The following EFL1 variants were observed in gnomAD, a reference collection of about 807,000 sequenced individuals.
The protein encoded by EFL1 is elongation factor-like GTPase 1.
Under a neutral mutation model 126.7 loss-of-function variants are expected in EFL1, and 76 were observed. The ratio of observed to expected loss-of-function variants is 0.60; its 90% CI spans 0.50 to 0.73. EFL1 has a LOEUF of 0.73. Ranked by LOEUF, EFL1 falls within the 30% of genes least tolerant of loss-of-function variation. The pLI, the probability that EFL1 is intolerant of heterozygous loss-of-function variation, is 0.00. For missense variants in EFL1, 1,128 were observed against 1,343.2 expected, an observed-to-expected ratio of 0.84 and a Z score of 2.50; for synonymous variants, 410 against 448.4, an observed-to-expected ratio of 0.91 and a Z score of 1.08.
At chr15:82,135,533 T>C (rs1484086350) in intron 19 of EFL1, among the ~76,000 whole-genome samples, 2 of 152,208 alleles carry the variant, frequency 1.3e-5, no homozygotes, top group African/African-American at 4.8e-5. Flanking sequence ...TCTTAGACTT[T>C]GCAGGCCATA....
chr15:82,199,797 A>G (rs2074448021), intron 15 of EFL1, among the ~76,000 whole-genome samples: 1 of 152,230 alleles, frequency 6.6e-6, no homozygotes, highest in Non-Finnish European at 1.5e-5. Flanking sequence ...TTACAGTAAA[A>G]GAGTGGTCAT....
intron 18 of EFL1, among the ~76,000 whole-genome samples, chr15:82,145,795 C>T (rs1485698051): frequency 1.3e-5 from 2 of 148,908 alleles, no homozygotes; most frequent in Non-Finnish European, 3.0e-5. Flanking sequence ...AAGATCGTGC[C>T]ATTGCTCTCC....
intron 15 of EFL1, among the ~76,000 whole-genome samples, chr15:82,196,655 C>T (rs1462291854): frequency 2.6e-5 from 4 of 152,196 alleles, no homozygotes; most frequent in Admixed American, 2.0e-4. Context: ...ACAAACAAAA[C>T]TGACTCAGTG....
At chr15:82,191,150 A>G (rs2074355638) in intron 15 of EFL1, among the ~76,000 whole-genome samples, 1 of 152,018 alleles carries the variant, frequency 6.6e-6, no homozygotes, top group Non-Finnish European at 1.5e-5. Flanking sequence ...CTACTTCCCT[A>G]CTTTTCCCTA....
chr15:82,221,502 G>A (rs1037034399), intron 12 of EFL1, among the ~76,000 whole-genome samples: 8 of 152,036 alleles, frequency 5.3e-5, no homozygotes, highest in African/African-American at 1.9e-4. Context: ...TCAGATATCC[G>A]CCTGCTGGAC....
intron 15 of EFL1, among the ~76,000 whole-genome samples, chr15:82,210,239 C>G (rs1595984817): frequency 6.6e-6 from 1 of 152,306 alleles, no homozygotes; most frequent in South Asian, 2.1e-4. Flanking sequence ...GACATGCCTC[C>G]CATCAAAAGG....
chr15:82,208,374 G>C (rs543829940), intron 15 of EFL1, among the ~76,000 whole-genome samples: 1 of 152,278 alleles, frequency 6.6e-6, no homozygotes, highest in East Asian at 1.9e-4. Context: ...TTAAGCACTT[G>C]AAATATGGCT....
At position 82,163,847 on chromosome 15, in the gene EFL1, T is replaced by C; in HGVS notation, c.1882+6A>G. 6.2e-7 allele frequency: 1 copy of C among 1,613,334 alleles called. No individual in the cohort carries two copies. Among genetic ancestry groups the C allele is most frequent in the East Asian group, 2.2e-5 (1 of 44,872 alleles). ...ACATATGCTTTTAAAAATAAGGTCATCTTACTTGGATGTTTTGGTTCAACA... is the reference window on the plus strand; with the variant it reads ...ACATATGCTTTTAAAAATAAGGTCACCTTACTTGGATGTTTTGGTTCAACA... On this transcript the variant is annotated splice_donor_region_variant and intron_variant, in intron 16 of 19. Transcript: ENST00000268206.
intron 19 of EFL1, among the ~76,000 whole-genome samples, chr15:82,131,688 A>G (rs964258715): frequency 2.0e-4 from 30 of 152,136 alleles, no homozygotes; most frequent in African/African-American, 6.0e-4. Flanking sequence ...GCTACTTGGG[A>G]GGCTGAGGCA....
chr15:82,255,382 T>A (rs2075058101), intron 3 of EFL1, among the ~76,000 whole-genome samples: 1 of 152,192 alleles, frequency 6.6e-6, no homozygotes, highest in South Asian at 2.1e-4. Context: ...TGGATAGGAG[T>A]TATTTATAGT....
In EFL1 at chr15:82,208,701, C is replaced by T. The variant is rs1250563486; in HGVS notation, c.1750+6016G>A. On this transcript the variant is annotated intron_variant, in intron 15 of 19. Coordinates refer to ENST00000268206, the MANE Select transcript of EFL1 (RefSeq NM_024580.6). Reference sequence around the variant, plus strand: ...TCAGGAAATTAAATATAATTCATGACATCAATTACAGCAAGGAGAAAAACT... The same window carrying T: ...TCAGGAAATTAAATATAATTCATGATATCAATTACAGCAAGGAGAAAAACT... 2.6e-5 allele frequency among the ~76,000 whole-genome samples: 4 copies of T among 151,902 alleles called. No individual in the cohort carries two copies. The East Asian group carries it at 7.7e-4, about 29-fold the overall frequency.
At chr15:82,238,065 T>C (rs957732757) in intron 7 of EFL1, among the ~76,000 whole-genome samples, 5 of 152,110 alleles carry the variant, frequency 3.3e-5, no homozygotes, top group Admixed American at 6.5e-5. Flanking sequence ...CTTGTGGTGA[T>C]AGAAATGTTT....
At chr15:82,146,813 AC>A (rs1010421257) in intron 18 of EFL1, among the ~76,000 whole-genome samples, 7 of 152,114 alleles carry the variant, frequency 4.6e-5, no homozygotes, top group Non-Finnish European at 8.8e-5. Flanking sequence ...GAGGCCCAAT[AC>A]AGTGACATTT....
At chr15:82,248,797 T>C (rs1230983933) in intron 4 of EFL1, among the ~76,000 whole-genome samples, 1 of 151,994 alleles carries the variant, frequency 6.6e-6, no homozygotes, top group Non-Finnish European at 1.5e-5. Flanking sequence ...TTTAAATAAG[T>C]TGGCAGCATT....
At chr15:82,166,217 T>C (rs1234328079) in intron 15 of EFL1, among the ~76,000 whole-genome samples, 1 of 152,246 alleles carries the variant, frequency 6.6e-6, no homozygotes, top group East Asian at 1.9e-4. Context: ...GTCTTTCCTC[T>C]GTATTACCAG....
chr15:82,184,653 G>A (rs915210845), intron 15 of EFL1, among the ~76,000 whole-genome samples: 5 of 152,156 alleles, frequency 3.3e-5, no homozygotes, highest in Non-Finnish European at 7.4e-5. Context: ...ATAGATATTT[G>A]CCCTACTAAA....
At chr15:82,233,349 A>G (rs1366022856) in intron 7 of EFL1, among the ~76,000 whole-genome samples, 1 of 152,150 alleles carries the variant, frequency 6.6e-6, no homozygotes, top group Non-Finnish European at 1.5e-5. Context: ...CATTTCCTCT[A>G]CAGAGTAACT....
intron 19 of EFL1, among the ~76,000 whole-genome samples, chr15:82,133,794 G>A (rs1203559647): frequency 6.6e-6 from 1 of 152,202 alleles, no homozygotes; most frequent in Non-Finnish European, 1.5e-5. Context: ...GGGAGGACAG[G>A]GTGAGAGGGG....
intron 19 of EFL1, among the ~76,000 whole-genome samples, chr15:82,138,007 C>T (rs891697804): frequency 4.6e-5 from 7 of 152,122 alleles, no homozygotes; most frequent in Non-Finnish European, 1.0e-4. Flanking sequence ...TTCCTTCTCT[C>T]CTCCCTCAGC....
Sources: allele counts gnomAD v4.1 joint callset (sites outside exome capture counted in the v4.1 genomes callset), GRCh38; gene constraint gnomAD v4.1.1; transcripts MANE v1.5; gene names NCBI Gene and HGNC (gene_info 2026-07-23, HGNC 2026-07-21).